TRIO: variants seen among roughly 807,000 people sequenced by gnomAD.
The protein encoded by TRIO is trio Rho guanine nucleotide exchange factor.
Under a neutral mutation model 351.9 loss-of-function variants are expected in TRIO, and 58 were observed. The observed-to-expected ratio is 0.16, with a 90% CI of 0.13 to 0.21. The LOEUF is 0.21. Among genes scored for constraint, TRIO ranks in the 10% least tolerant of loss-of-function variants. The probability of loss-of-function intolerance (pLI) is 1.00; values close to 1 mark genes in which losing one functional copy is unlikely to be tolerated. For missense variants in TRIO, 3,201 were observed against 4,027.8 expected (o/e 0.79, Z 5.56); for synonymous variants, 1,758 against 1,595.7 (o/e 1.10, Z -2.42).
At chr5:14,152,293 C>G (rs1218675589) in intron 1 of TRIO, among the ~76,000 whole-genome samples, 1 of 152,214 alleles carries the variant, frequency 6.6e-6, no homozygotes, top group Non-Finnish European at 1.5e-5. Context: ...GGGAACATTA[C>G]TAGCTCGAAA....
At chr5:14,170,757 C>T (rs768244928) in intron 1 of TRIO, among the ~76,000 whole-genome samples, 16 of 152,064 alleles carry the variant, frequency 1.1e-4, no homozygotes, top group Admixed American at 3.3e-4. Context: ...CTCTCGCCTT[C>T]GCTTCCCAAA....
At chr5:14,271,542 G>T (rs1224376037) in intron 2 of TRIO, among the ~76,000 whole-genome samples, 1 of 152,190 alleles carries the variant, frequency 6.6e-6, no homozygotes, top group Non-Finnish European at 1.5e-5. Flanking sequence ...GTCAGCGTTA[G>T]GCCGTTTTGG....
At chr5:14,403,694 G>T (rs1748409108) in intron 31 of TRIO, among the ~76,000 whole-genome samples, 1 of 130,294 alleles carries the variant, frequency 7.7e-6, no homozygotes, top group African/African-American at 3.0e-5. Context: ...GGTGGTGAGG[G>T]TGTAGGTTGT....
intron 33 of TRIO, among the ~76,000 whole-genome samples, chr5:14,413,722 A>C (rs755470862): frequency 1.3e-5 from 2 of 152,222 alleles, no homozygotes; most frequent in Non-Finnish European, 2.9e-5. Flanking sequence ...GTTCTAAGAA[A>C]AGACAGATTT....
At position 14,508,222 on chromosome 5, in the gene TRIO, C is replaced by T. The variant is rs1561577369; in HGVS notation, c.9094C>T (p.Gln3032Ter). ...CAAGGAGTTCGTGTGCTTCCTCCTG[C>T]AGGAGGACCCCGCCAAGCGTCCCTC... Reference protein sequence around the residue: ...KAKEFVCFLLQEDPAKRPSAA... With the variant: ...KAKEFVCFLL The change falls in exon 57 of 57, where the codon CAG becomes TAG. Residue 3032 changes from glutamine (Q) to a stop codon, truncating the protein, a stop_gained. Transcript: ENST00000344204. LOFTEE classifies it high-confidence loss of function. 1.2e-6 allele frequency: 2 copies of T among 1,614,102 alleles called. No individual in the cohort carries two copies. The highest frequency in any genetic ancestry group is 1.3e-5 in the African/African-American group (1 of 75,064).
At chr5:14,219,608 C>T (rs32390) in intron 1 of TRIO, among the ~76,000 whole-genome samples, 122,839 of 152,100 alleles carry the variant, frequency 0.81, 50,206 homozygotes, top group East Asian at 0.99. Context: ...GACAGTACTG[C>T]GGGTGGCAAC....
intron 6 of TRIO, among the ~76,000 whole-genome samples, chr5:14,296,479 C>T (rs1047763448): frequency 1.3e-5 from 2 of 152,118 alleles, no homozygotes; most frequent in African/African-American, 4.8e-5. Flanking sequence ...AGTAGAAAAG[C>T]TTTATTTAAA....
At position 14,387,632 on chromosome 5, in the gene TRIO, G is replaced by A; in HGVS notation, c.3765G>A (p.Ser1255=). The A allele has an allele frequency of 6.2e-6, 10 of 1,609,970 alleles. No individual in the cohort carries two copies. Among genetic ancestry groups the A allele is most frequent in the Non-Finnish European group, 8.5e-6 (10 of 1,177,016 alleles). ...ALGISSDSNK[S]SKSLQLDIIP... ...GGATTTCTTCAGATTCCAACAAATC[G>A]GTAAATGGCCTTGTGCAAACTGAAT... The change falls in exon 22 of 57, where the codon TCG becomes TCA. Residue 1255 remains serine (S), a splice_region_variant and synonymous_variant. Transcript: ENST00000344204.
intron 7 of TRIO, chr5:14,297,475 T>C (rs1737463404): frequency 1.9e-6 from 1 of 516,426 alleles, no homozygotes; most frequent in East Asian, 3.1e-5. Context: ...GTTTTGTTTT[T>C]TCATTTGTAA....
intron 22 of TRIO, 28 bp from the exon 23 acceptor site, chr5:14,387,704 T>G (rs2289849): frequency 6.2e-7 from 1 of 1,611,186 alleles, no homozygotes; most frequent in Admixed American, 1.7e-5. Flanking sequence ...TTTAATTAAC[T>G]GAGTTCATTG....
chr5:14,228,648 G>GT (rs549720049), intron 1 of TRIO, among the ~76,000 whole-genome samples: 44 of 152,300 alleles, frequency 2.9e-4, no homozygotes, highest in African/African-American at 1.0e-3. Context: ...TTTTGACTAA[G>GT]TTTTTTGGAA....
chr5:14,162,061 G>A (rs1340364876), intron 1 of TRIO, among the ~76,000 whole-genome samples: 2 of 152,348 alleles, frequency 1.3e-5, no homozygotes, highest in Middle Eastern at 3.4e-3. Context: ...AGGAACCACC[G>A]AGTTATGCCA....
rs1447027480 is a variant in TRIO at position 14,243,299 on chromosome 5, G to C, written c.158-27526G>C. On this transcript the variant is annotated intron_variant, in intron 1 of 56. Transcript: ENST00000344204. ...TGCCTTTTCTCTCAATGTTTTGCTC[G>C]CAACTTAGACATGAAATGTTTTTTT... is the stretch of plus-strand genomic sequence containing the variant. Among the ~76,000 whole-genome samples the C allele has an allele frequency of 2.0e-5, 3 of 150,930 alleles. No individual in the cohort carries two copies. In the East Asian group the frequency reaches 5.8e-4, roughly 29 times the overall value.
intron 30 of TRIO, among the ~76,000 whole-genome samples, chr5:14,400,189 T>G (rs1561443212): frequency 6.6e-6 from 1 of 152,200 alleles, no homozygotes; most frequent in Non-Finnish European, 1.5e-5. Context: ...AAGAAAAAAA[T>G]GCAACATTGC....
intron 53 of TRIO, among the ~76,000 whole-genome samples, chr5:14,501,528 G>T (rs1174500350): frequency 6.6e-6 from 1 of 152,234 alleles, no homozygotes. Context: ...GCAGCACATG[G>T]CATCCACCAG....
chr5:14,364,508 C>T (rs1408563544), intron 14 of TRIO, 142 bp from the exon 15 acceptor site: 1 of 967,720 alleles, frequency 1.0e-6, no homozygotes, highest in Non-Finnish European at 1.6e-6. Context: ...ACTTTGCCCT[C>T]CTTGAACTTG....
chr5:14,293,630 C>T (rs1398785684), intron 6 of TRIO, among the ~76,000 whole-genome samples: 3 of 152,202 alleles, frequency 2.0e-5, no homozygotes, highest in Admixed American at 2.0e-4. Context: ...TCAGCCTTGC[C>T]TGGGATCCCC....
At chr5:14,458,955 A>G (rs1244778772) in intron 34 of TRIO, among the ~76,000 whole-genome samples, 3 of 152,262 alleles carry the variant, frequency 2.0e-5, no homozygotes, top group Non-Finnish European at 4.4e-5. Flanking sequence ...TAGAGTAAAT[A>G]TATGAGAAAA....
At chr5:14,296,592 GC>G (rs1454157059) in intron 6 of TRIO, among the ~76,000 whole-genome samples, 1 of 152,162 alleles carries the variant, frequency 6.6e-6, no homozygotes, top group Non-Finnish European at 1.5e-5. Context: ...AATGACTTGG[GC>G]ATATGTAGAA....
Sources: gnomAD v4.1 joint callset for allele counts (sites outside exome capture counted in the v4.1 genomes callset) on GRCh38, gnomAD v4.1.1 for gene constraint, MANE v1.5 for transcripts, NCBI Gene and HGNC (gene_info 2026-07-23, HGNC 2026-07-21) for gene names.